SIAH1: variants seen among roughly 807,000 people sequenced by gnomAD.
SIAH1 encodes siah E3 ubiquitin protein ligase 1.
Under a neutral mutation model 20.0 loss-of-function variants are expected in SIAH1, and 2 were observed. That is an observed-to-expected ratio of 0.10 (90% CI 0.04 to 0.31). The LOEUF is 0.31. SIAH1 is among the 10% of genes least tolerant of loss of function. The pLI is 1.00. For missense variants in SIAH1, 119 were observed against 355.3 expected (o/e 0.33, Z 5.35); for synonymous variants, 118 against 125.3 (o/e 0.94, Z 0.39).
chr16:48,362,478 A>G lies in SIAH1; in HGVS notation c.-2-48T>C, dbSNP rs1195707706. On this transcript the variant is annotated intron_variant, in intron 1 of 1. Transcript: ENST00000394725. The surrounding 1 kb of genome is among the most constrained non-coding windows in gnomAD (Gnocchi z 4.2). ...CAGGAGAAAAATAATTATAACCATG[A>G]CTTACTTTATAAATAATGTTTACAT... The G allele has an allele frequency of 6.3e-7, 1 of 1,586,130 alleles. No homozygotes were observed. The highest frequency in any genetic ancestry group is 1.3e-5 in the African/African-American group (1 of 74,106).
intron 1 of SIAH1, among the ~76,000 whole-genome samples, chr16:48,375,049 CTACGGCAAGATAAT>C (rs1361034840): frequency 1.8e-4 from 28 of 152,174 alleles, no homozygotes; most frequent in Non-Finnish European, 3.4e-4. Flanking sequence ...AAAGTGGTGG[CTACGGCAAGATAAT>C]TACTTGAACC....
chr16:48,386,059 C>T (rs1407308632), upstream of SIAH1, among the ~76,000 whole-genome samples: 2 of 152,318 alleles, frequency 1.3e-5, no homozygotes, highest in East Asian at 1.9e-4. Flanking sequence ...TGTCCATGCT[C>T]ATCTGGAAAG....
At chr16:48,379,911 C>A (rs1339715944) in intron 1 of SIAH1, among the ~76,000 whole-genome samples, 1 of 152,094 alleles carries the variant, frequency 6.6e-6, no homozygotes, top group African/African-American at 2.4e-5. Flanking sequence ...TACTTACGAA[C>A]CATATCAAGA....
At chr16:48,382,472 T>TATTATATTAAAACAAATACCTACTGAGC (rs1961324451) in intron 1 of SIAH1, among the ~76,000 whole-genome samples, 1 of 152,138 alleles carries the variant, frequency 6.6e-6, no homozygotes, top group African/African-American at 2.4e-5. Context: ...GAGCACTAGG[T>TATTATATTAAAACAAATACCTACTGAGC]ACTGAGGATA....
rs774216786 is a variant in SIAH1, at chr16:48,361,543, G to C, written c.*37C>G. On this transcript the variant is annotated 3_prime_UTR_variant, in exon 2 of 2. Coordinates refer to ENST00000394725, the MANE Select transcript of SIAH1 (RefSeq NM_003031.4). ...GTGCCTTATTTTCTGTGAAACTGAA[G>C]TTTTAAACACTGGCCAGAAAATGTT... The C allele has an allele frequency of 3.8e-6, 6 of 1,599,840 alleles. No individual in the cohort carries two copies. The highest frequency in any genetic ancestry group is 5.1e-6 in the Non-Finnish European group (6 of 1,173,376).
chr16:48,365,675 C>CT, intron 1 of SIAH1: 1 of 1,427,414 alleles, frequency 7.0e-7, no homozygotes, highest in Admixed American at 2.9e-5. Context: ...CCACACCTCC[C>CT]TGTGAGCTCA....
At chr16:48,369,184 A>G (rs1243871804) in intron 1 of SIAH1, among the ~76,000 whole-genome samples, 1 of 152,240 alleles carries the variant, frequency 6.6e-6, no homozygotes, top group African/African-American at 2.4e-5. Context: ...ACTGTAGCAA[A>G]GCAATAAAAT....
intron 1 of SIAH1, among the ~76,000 whole-genome samples, chr16:48,376,767 G>T (rs868325291): frequency 3.9e-5 from 6 of 152,186 alleles, no homozygotes; most frequent in South Asian, 4.1e-4. Context: ...GTATAGACAA[G>T]ATATCCGAAG....
At position 48,379,385 on chromosome 16, in the gene SIAH1, C is replaced by T. The variant is rs531580577; in HGVS notation, c.-3+5819G>A. Among the ~76,000 whole-genome samples, 71 of 152,240 alleles carry T rather than the reference C, an allele frequency of 4.7e-4. 2 individuals carry two copies. The South Asian group carries it at 0.014, about 31-fold the overall frequency. On this transcript the variant is annotated intron_variant, in intron 1 of 1. Transcript: ENST00000394725. ...GGCTAAATACAATCATGACCAAAGG[C>T]ACAGAGATGCTAAAGCAGTGTTCAA...
Position 48,361,570 on chromosome 16 carries a change from G to T in SIAH1, c.*10C>A. 1 of 1,609,446 alleles carries T rather than the reference G, an allele frequency of 6.2e-7. No individual in the cohort carries two copies. Among genetic ancestry groups the T allele is most frequent in the South Asian group, 1.1e-5 (1 of 90,942 alleles). ...TTTAAACACTGGCCAGAAAATGTTT[G>T]ATTGCCATTTCAACACATGGAAATA... On this transcript the variant is annotated 3_prime_UTR_variant, in exon 2 of 2. Coordinates refer to ENST00000394725, the MANE Select transcript of SIAH1 (RefSeq NM_003031.4).
At chr16:48,385,720 G>T (rs888151830), upstream of SIAH1, among the ~76,000 whole-genome samples, 2 of 152,014 alleles carry the variant, frequency 1.3e-5, no homozygotes, top group African/African-American at 2.4e-5. Flanking sequence ...AGCTCCTCCC[G>T]CGGCGCTTTG....
intron 1 of SIAH1, among the ~76,000 whole-genome samples, chr16:48,374,749 T>C (rs1169706745): frequency 1.3e-5 from 2 of 152,002 alleles, no homozygotes; most frequent in African/African-American, 4.8e-5. Flanking sequence ...AAAAAAGATA[T>C]TACCTACAAA....
At chr16:48,376,197 G>A (rs1317633341) in intron 1 of SIAH1, among the ~76,000 whole-genome samples, 1 of 152,220 alleles carries the variant, frequency 6.6e-6, no homozygotes, top group Non-Finnish European at 1.5e-5. Flanking sequence ...TAGTTTGGGG[G>A]TGAGGAGGGA....
chr16:48,370,730 C>T lies in SIAH1; in HGVS notation c.-2-8300G>A, dbSNP rs989195914. On this transcript the variant is annotated intron_variant, in intron 1 of 1. Transcript: ENST00000394725. ...CTGAGGCAGGAGAATGGCGTGAATCCGGGAGGCGGAGCTCGAAGTGAGCCC... is the reference window on the plus strand; with the variant it reads ...CTGAGGCAGGAGAATGGCGTGAATCTGGGAGGCGGAGCTCGAAGTGAGCCC... Among the ~76,000 whole-genome samples, 5 of 150,844 alleles carry T rather than the reference C, an allele frequency of 3.3e-5. 1 individual carries two copies. The East Asian group carries it at 7.8e-4, about 23-fold the overall frequency.
intron 1 of SIAH1, among the ~76,000 whole-genome samples, chr16:48,380,928 CAAAAAA>C (rs59376248): frequency 2.2e-5 from 1 of 44,956 alleles, no homozygotes. Context: ...GACTCCGTCT[CAAAAAA>C]AAAAAAAAAA....
chr16:48,362,616 G>A lies in SIAH1; in HGVS notation c.-2-186C>T. On this transcript the variant is annotated intron_variant, in intron 1 of 1. Coordinates refer to ENST00000394725, the MANE Select transcript of SIAH1 (RefSeq NM_003031.4). This position sits in a 1 kb window ranked among gnomAD's most constrained non-coding sequence, Gnocchi z 4.2. ...ATTACACTGAATGTGCACTTTATTAGGATCTGTACACTGGATAAGCTCTCT... is the reference window on the plus strand; with the variant it reads ...ATTACACTGAATGTGCACTTTATTAAGATCTGTACACTGGATAAGCTCTCT... 1.6e-6 allele frequency: 1 copy of A among 609,152 alleles called. No homozygotes were observed. Among genetic ancestry groups the A allele is most frequent in the Admixed American group, 3.1e-5 (1 of 32,286 alleles). 37.7% of individuals were successfully genotyped at this position (609,152 alleles called of 1,614,324 possible).
chr16:48,376,378 CTTT>C (rs974733709), intron 1 of SIAH1, among the ~76,000 whole-genome samples: 13 of 152,248 alleles, frequency 8.5e-5, no homozygotes, highest in Middle Eastern at 3.4e-3. Flanking sequence ...CTTGCTTTCA[CTTT>C]TTTTCTCAAA....
rs1270685350 is a variant in SIAH1 at position 48,371,578 on chromosome 16, G to T, written c.-2-9148C>A. Among the ~76,000 whole-genome samples, 8 of 152,330 alleles carry T rather than the reference G, an allele frequency of 5.3e-5. 1 individual carries two copies. The highest frequency in any genetic ancestry group is 3.3e-4 in the Admixed American group (5 of 15,302). ...ATCATGGAGAGGAAAGAGCAGAGAA[G>T]AGCAACAGAACCAGGCAGAGGGCCA... On this transcript the variant is annotated intron_variant, in intron 1 of 1. Transcript: ENST00000394725.
chr16:48,371,193 A>G (rs971959736), intron 1 of SIAH1, among the ~76,000 whole-genome samples: 1 of 151,428 alleles, frequency 6.6e-6, no homozygotes, highest in Non-Finnish European at 1.5e-5. Context: ...AAGAGGGAGG[A>G]TCAGGTGAGC....
Sources: gnomAD v4.1 joint callset for allele counts (sites outside exome capture counted in the v4.1 genomes callset) on GRCh38, gnomAD v4.1.1 for gene constraint, Gnocchi (gnomAD v3.1) non-coding constraint, MANE v1.5 for transcripts, NCBI Gene and HGNC (gene_info 2026-07-23, HGNC 2026-07-21) for gene names.